The following CCDC141 variants were observed in gnomAD, a reference collection of about 807,000 sequenced individuals.
CCDC141 encodes the protein coiled-coil domain containing 141.
CCDC141 carries 168 observed loss-of-function variants against 181.0 expected under a neutral mutation model. That is an observed-to-expected ratio of 0.93 (90% CI 0.82 to 1.05). The LOEUF is 1.05. Among genes scored for constraint, CCDC141 ranks in the 50% least tolerant of loss-of-function variants. The pLI is 0.00. For missense variants in CCDC141, 1,902 were observed against 1,788.5 expected, an observed-to-expected ratio of 1.06 and a Z score of -1.14; for synonymous variants, 666 against 642.3, an observed-to-expected ratio of 1.04 and a Z score of -0.56.
chr2:178,971,903 C>T (rs1199135292), intron 4 of CCDC141, among the ~76,000 whole-genome samples: 1 of 151,990 alleles, frequency 6.6e-6, no homozygotes, highest in African/African-American at 2.4e-5. Flanking sequence ...GGGAGGGGAA[C>T]ATCACACACC....
chr2:178,924,025 G>GA (rs1357871155), intron 6 of CCDC141, among the ~76,000 whole-genome samples: 3 of 152,102 alleles, frequency 2.0e-5, no homozygotes, highest in Non-Finnish European at 2.9e-5. Context: ...CAACTGAAAA[G>GA]AAAAAATAAT....
intron 2 of CCDC141, among the ~76,000 whole-genome samples, chr2:179,014,360 C>T (rs536975247): frequency 4.2e-4 from 64 of 152,102 alleles, no homozygotes; most frequent in Admixed American, 7.9e-4. Context: ...CATTTGCTTA[C>T]GTAAGGATTT....
intron 2 of CCDC141, among the ~76,000 whole-genome samples, chr2:179,017,712 G>A (rs957883934): frequency 3.9e-5 from 6 of 151,960 alleles, no homozygotes; most frequent in African/African-American, 1.5e-4. Flanking sequence ...TAAAAATCAG[G>A]GCAGTTACCA....
At chr2:178,829,364 A>T (rs1684176015), downstream of CCDC141, among the ~76,000 whole-genome samples, 1 of 152,238 alleles carries the variant, frequency 6.6e-6, no homozygotes, top group Non-Finnish European at 1.5e-5. Flanking sequence ...AGGAAGAGTG[A>T]GCAGGCCAAA....
chr2:178,846,524 C>T (rs751072548), intron 21 of CCDC141, among the ~76,000 whole-genome samples: 2 of 152,180 alleles, frequency 1.3e-5, no homozygotes, highest in Non-Finnish European at 2.9e-5. Context: ...AACACTGGCT[C>T]GGAGGATTCA....
chr2:178,928,316 T>C (rs1688982424), intron 6 of CCDC141, among the ~76,000 whole-genome samples: 2 of 151,970 alleles, frequency 1.3e-5, no homozygotes. Flanking sequence ...GTAAAGAAGG[T>C]CAAGGACAGC....
chr2:178,828,823 T>G (rs1302746899), downstream of CCDC141, among the ~76,000 whole-genome samples: 5 of 152,202 alleles, frequency 3.3e-5, no homozygotes, highest in Non-Finnish European at 5.9e-5. Context: ...TCCCTTTATA[T>G]TTCACTGATT....
intron 15 of CCDC141, 123 bp downstream of exon 15, chr2:178,868,994 C>A (rs1441573586): frequency 3.4e-6 from 2 of 595,302 alleles, no homozygotes; most frequent in Non-Finnish European, 5.3e-6. Flanking sequence ...AAGATAGGGG[C>A]CAGATTGTGT....
intron 8 of CCDC141, among the ~76,000 whole-genome samples, chr2:178,898,643 C>T (rs1575186225): frequency 6.6e-6 from 1 of 152,120 alleles, no homozygotes; most frequent in South Asian, 2.1e-4. Flanking sequence ...CCACAATTTG[C>T]TTTCTGAAGC....
intron 2 of CCDC141, among the ~76,000 whole-genome samples, chr2:179,039,721 A>G (rs1297836367): frequency 3.9e-5 from 6 of 152,218 alleles, no homozygotes; most frequent in African/African-American, 1.4e-4. Context: ...TTATTGGCTT[A>G]TTGAACTACT....
At chr2:178,853,154 T>A (rs1346198784) in intron 20 of CCDC141, among the ~76,000 whole-genome samples, 1 of 152,212 alleles carries the variant, frequency 6.6e-6, no homozygotes, top group Non-Finnish European at 1.5e-5. Flanking sequence ...TGTTCTGGTG[T>A]TATTACCCTA....
chr2:178,817,409 A>C, the CCDC141 span: 1 of 445,726 alleles, frequency 2.2e-6, no homozygotes, highest in African/African-American at 2.0e-5. Context: ...TTAGGACAGA[A>C]GTACTTCCTA....
chr2:178,845,746 T>C lies in CCDC141; in HGVS notation c.3358-4A>G, dbSNP rs756835029. 1 of 1,551,912 alleles carries C rather than the reference T, an allele frequency of 6.4e-7. No individual in the cohort carries two copies. The highest frequency in any genetic ancestry group is 8.9e-7 in the Non-Finnish European group (1 of 1,123,556). On this transcript the variant is annotated splice_region_variant and splice_polypyrimidine_tract_variant and intron_variant, in intron 21 of 23. Coordinates refer to ENST00000443758, the MANE Select transcript of CCDC141 (RefSeq NM_173648.4). The stretch of plus-strand genomic sequence containing the variant: ...TCATCTTTAAAACATCTCCCTGCTG[T>C]ACAAAGCAACAGTTAGTGAGAGCAT...
intron 2 of CCDC141, among the ~76,000 whole-genome samples, chr2:179,042,248 G>C: frequency 6.6e-6 from 1 of 152,186 alleles, no homozygotes; most frequent in East Asian, 1.9e-4. Context: ...TAGAAGTCAA[G>C]ATTAAGAAAT....
At position 178,869,228 on chromosome 2, in the gene CCDC141, CTT is replaced by C. The variant is rs1420790423; in HGVS notation, c.2281_2282del (p.Lys761ValfsTer58). 1.2e-6 allele frequency: 2 copies of C among 1,613,620 alleles called. No homozygotes were observed. Among genetic ancestry groups the C allele is most frequent in the East Asian group, 4.5e-5 (2 of 44,820 alleles). On this transcript the variant is annotated frameshift_variant, in exon 15 of 24. Coordinates refer to ENST00000443758, the MANE Select transcript of CCDC141 (RefSeq NM_173648.4). LOFTEE classifies it high-confidence loss of function. ...LTGRGAPVKE[K>X]SQQLKDLIHF... ...GAATAAGGTCCTTCAGTTGTTGAGA[CTT>C]TTCTTTTACAGGGGCTCCTCTGCCA...
chr2:178,902,356 T>C (rs182962252), intron 8 of CCDC141, among the ~76,000 whole-genome samples: 2 of 152,304 alleles, frequency 1.3e-5, no homozygotes, highest in African/African-American at 2.4e-5. Flanking sequence ...CTTCAAACTA[T>C]ACTACAAGTC....
At chr2:178,857,584 A>G (rs879298917) in intron 17 of CCDC141, among the ~76,000 whole-genome samples, 12 of 152,170 alleles carry the variant, frequency 7.9e-5, no homozygotes, top group Non-Finnish European at 1.5e-4. Flanking sequence ...CATTAAATGC[A>G]CCACTTTCTG....
At position 178,896,864 on chromosome 2, in the gene CCDC141, T is replaced by A. The variant is rs139670507; in HGVS notation, c.1266-8196A>T. Among the ~76,000 whole-genome samples, 686 of 152,290 alleles carry A rather than the reference T, an allele frequency of 4.5e-3. 3 individuals carry two copies. The highest frequency in any genetic ancestry group is 0.016 in the African/African-American group (656 of 41,564). Reference sequence around the variant, plus strand: ...TGGTTTTGAGGATTAAATTAATTTATGTCTAGAGCACAGAAGTGTTTGCCA... The same window carrying A: ...TGGTTTTGAGGATTAAATTAATTTAAGTCTAGAGCACAGAAGTGTTTGCCA... On this transcript the variant is annotated intron_variant, in intron 8 of 23. Coordinates refer to ENST00000443758, the MANE Select transcript of CCDC141 (RefSeq NM_173648.4).
At chr2:178,909,417 A>G (rs1457605412) in intron 7 of CCDC141, among the ~76,000 whole-genome samples, 1 of 152,232 alleles carries the variant, frequency 6.6e-6, no homozygotes, top group African/African-American at 2.4e-5. Context: ...ACATTTGTAG[A>G]ATACCTATTG....
Sources: gnomAD v4.1 joint callset for allele counts (sites outside exome capture counted in the v4.1 genomes callset) on GRCh38, gnomAD v4.1.1 for gene constraint, MANE v1.5 for transcripts, NCBI Gene and HGNC (gene_info 2026-07-23, HGNC 2026-07-21) for gene names.